BRPF1: variants seen among roughly 807,000 people sequenced by gnomAD.
The protein encoded by BRPF1 is bromodomain and PHD finger containing 1, also known as peregrin.
In BRPF1, 15 loss-of-function variants were observed where a neutral mutation model predicts 115.0. The observed-to-expected ratio is 0.13, with a 90% CI of 0.09 to 0.20. The LOEUF (loss-of-function observed/expected upper bound fraction) is 0.20, where lower values mean the gene tolerates loss of function less well. Ranked by LOEUF, BRPF1 falls within the 10% of genes least tolerant of loss-of-function variation. BRPF1 has a pLI of 1.00. For missense variants in BRPF1, 1,118 were observed against 1,638.3 expected (o/e 0.68, Z 5.48); for synonymous variants, 647 against 619.8 (o/e 1.04, Z -0.65).
rs747580168 is a variant in BRPF1 at position 9,746,405 on chromosome 3, G to A, written c.3430G>A (p.Ala1144Thr). 6 of 1,608,642 alleles carry A rather than the reference G, an allele frequency of 3.7e-6. No individual in the cohort carries two copies. Among genetic ancestry groups the A allele is most frequent in the Non-Finnish European group, 5.1e-6 (6 of 1,176,174 alleles). Residue 1144 changes from alanine to threonine, a missense_variant, in exon 13 of 14, where the codon GCC becomes ACC. Physicochemically the swap from Ala to Thr is moderately conservative, Grantham distance 58. Coordinates refer to ENST00000383829, the MANE Select transcript of BRPF1 (RefSeq NM_001003694.2). ...LKLGEQMTQE[A>T]REHLYLVLFF... ...ACTTGGGGAGCAGATGACCCAGGAAGCCCGAGAGCATCTCTACCTCGTCCT... is the reference window on the plus strand; with the variant it reads ...ACTTGGGGAGCAGATGACCCAGGAAACCCGAGAGCATCTCTACCTCGTCCT...
Position 9,734,073 on chromosome 3 carries a change from G to C in BRPF1, c.-10-58G>C. ...GAGGGCTAGAAAGACTGGGGTCTCT[G>C]GTGCAAATGGCCAGGAACTCATCCC... On this transcript the variant is annotated intron_variant, in intron 1 of 13. Coordinates refer to ENST00000383829, the MANE Select transcript of BRPF1 (RefSeq NM_001003694.2). This position sits in a 1 kb window ranked among gnomAD's most constrained non-coding sequence, Gnocchi z 5.7. 9.2e-6 allele frequency: 14 copies of C among 1,521,126 alleles called. No homozygotes were observed. The highest frequency in any genetic ancestry group is 1.2e-5 in the Non-Finnish European group (14 of 1,136,262). The allele number at this position is 1,521,126 out of a possible 1,614,324, so 94.2% of individuals were successfully genotyped here.
Position 9,747,524 on chromosome 3 carries a change from A to G in BRPF1, c.*175A>G. ...CCCTAAGTGCAGCTGGACTGTACAG[A>G]ACACTCCAAGGGCCAATGGCAGTTC... is the stretch of plus-strand genomic sequence containing the variant. On this transcript the variant is annotated 3_prime_UTR_variant, in exon 14 of 14. Coordinates refer to ENST00000383829, the MANE Select transcript of BRPF1 (RefSeq NM_001003694.2). The surrounding 1 kb of genome is among the most constrained non-coding windows in gnomAD (Gnocchi z 5.6). The G allele has an allele frequency of 1.5e-6, 1 of 681,708 alleles. No homozygotes were observed. Among genetic ancestry groups the G allele is most frequent in the Admixed American group, 2.9e-5 (1 of 34,226 alleles). 42.2% of individuals were successfully genotyped at this position (681,708 alleles called of 1,614,324 possible).
rs757617761 is a variant in BRPF1 at position 9,734,532 on chromosome 3, A to G, written c.392A>G (p.Glu131Gly). Residue 131 changes from glutamate to glycine, a missense_variant, in exon 2 of 14, where the codon GAG (glutamate) becomes GGG (glycine). By Grantham distance (98) the Glu-to-Gly change is moderately conservative. Around this residue, in one of 10 missense-constraint regions of BRPF1, gnomAD observed 280 missense variants for 382.8 expected, o/e 0.73. Transcript: ENST00000383829. This position sits in a 1 kb window ranked among gnomAD's most constrained non-coding sequence, Gnocchi z 5.7. ...EDEEAPEEAPENGSNKENTET... is the reference protein window; with the variant it reads ...EDEEAPEEAPGNGSNKENTET... ...GAGGAAGCCCCCGAGGAGGCCCCTG[A>G]GAATGGCAGCAACAAGGAGAACACT... 1.2e-6 allele frequency: 2 copies of G among 1,614,144 alleles called. No homozygotes were observed. Among genetic ancestry groups the G allele is most frequent in the South Asian group, 2.2e-5 (2 of 91,074 alleles).
Position 9,747,512 on chromosome 3 carries a change from T to A in BRPF1, c.*163T>A. The A allele has an allele frequency of 1.3e-6, 1 of 769,214 alleles. No individual in the cohort carries two copies. The allele number at this position is 769,214 out of a possible 1,614,324, so 47.6% of individuals were successfully genotyped here. ...AGGTCCCTCCTGCCCTAAGTGCAGC[T>A]GGACTGTACAGAACACTCCAAGGGC... On this transcript the variant is annotated 3_prime_UTR_variant, in exon 14 of 14. Transcript: ENST00000383829. This position sits in a 1 kb window ranked among gnomAD's most constrained non-coding sequence, Gnocchi z 5.6.
intron 3 of BRPF1, 22 bp from the exon 4 acceptor site, chr3:9,740,757 C>T (rs1258471619): frequency 1.2e-6 from 2 of 1,611,664 alleles, no homozygotes; most frequent in Non-Finnish European, 8.5e-7. Context: ...ACAAGTTTTA[C>T]TCTTTGTTTC....
Position 9,745,515 on chromosome 3 carries a change from C to CATGCTG in BRPF1, c.3069-57_3069-52dup. On this transcript the variant is annotated intron_variant, in intron 10 of 13. Coordinates refer to ENST00000383829, the MANE Select transcript of BRPF1 (RefSeq NM_001003694.2). This position sits in a 1 kb window ranked among gnomAD's most constrained non-coding sequence, Gnocchi z 5.1. ...GGCTTTAAGAGCTGAGGGCACATAC[C>CATGCTG]ATGCTGTTCCCCATTCTTCCCCTCC... The CATGCTG allele has an allele frequency of 3.8e-6, 6 of 1,575,688 alleles. No homozygotes were observed. Among genetic ancestry groups the CATGCTG allele is most frequent in the Non-Finnish European group, 5.2e-6 (6 of 1,146,548 alleles).
chr3:9,735,385 C>T (rs17050532), intron 2 of BRPF1, among the ~76,000 whole-genome samples: 1 of 152,174 alleles, frequency 6.6e-6, no homozygotes, highest in Non-Finnish European at 1.5e-5. Context: ...GACTCCATAG[C>T]TGTACTGTTT....
In BRPF1 at chr3:9,745,173, C is replaced by G. The variant is rs769764940; in HGVS notation, c.3068+18C>G. On this transcript the variant is annotated intron_variant, in intron 10 of 13. Coordinates refer to ENST00000383829, the MANE Select transcript of BRPF1 (RefSeq NM_001003694.2). This position sits in a 1 kb window ranked among gnomAD's most constrained non-coding sequence, Gnocchi z 5.1. Reference sequence around the variant, plus strand: ...CGGACCAGGTACCAGCCCTCCAGATCGAGGCCAACCTCAGGGGATGCCCTT... The same window carrying G: ...CGGACCAGGTACCAGCCCTCCAGATGGAGGCCAACCTCAGGGGATGCCCTT... 3.7e-6 allele frequency: 6 copies of G among 1,611,310 alleles called. No individual in the cohort carries two copies. Among genetic ancestry groups the G allele is most frequent in the African/African-American group, 1.3e-5 (1 of 74,920 alleles).
At position 9,745,264 on chromosome 3, in the gene BRPF1, T is replaced by C; in HGVS notation, c.3068+109T>C. The C allele has an allele frequency of 1.5e-6, 2 of 1,320,620 alleles. No homozygotes were observed. The highest frequency in any genetic ancestry group is 2.0e-6 in the Non-Finnish European group (2 of 976,050). 81.8% of individuals were successfully genotyped at this position (1,320,620 alleles called of 1,614,324 possible). On this transcript the variant is annotated intron_variant, in intron 10 of 13. Coordinates refer to ENST00000383829, the MANE Select transcript of BRPF1 (RefSeq NM_001003694.2). This position sits in a 1 kb window ranked among gnomAD's most constrained non-coding sequence, Gnocchi z 5.1. The stretch of plus-strand genomic sequence containing the variant: ...GGGGTGGCAGCCATCTCAGTCTAGA[T>C]TAAGATGGCTCAAACTCAAGGTTCT...
At position 9,739,180 on chromosome 3, in the gene BRPF1, C is replaced by A. The variant is rs144340997; in HGVS notation, c.781C>A (p.His261Asn). 1 of 1,613,734 alleles carries A rather than the reference C, an allele frequency of 6.2e-7. No homozygotes were observed. The highest frequency in any genetic ancestry group is 1.3e-5 in the African/African-American group (1 of 74,918). The change falls in exon 3 of 14, where the codon CAT (histidine) becomes AAT (asparagine). Residue 261 changes from histidine to asparagine, a missense_variant. Coordinates refer to ENST00000383829, the MANE Select transcript of BRPF1 (RefSeq NM_001003694.2). ...RLEKESYFES[H>N]NKGDPNALVD... ...GGAGAAGGAGTCGTACTTTGAGAGT[C>A]ATAATAAAGGCGACCCTAATGCGCT...
At position 9,744,429 on chromosome 3, in the gene BRPF1, G is replaced by C; in HGVS notation, c.2841G>C (p.Gln947His). Residue 947 changes from glutamine (Q) to histidine (H), a missense_variant, in exon 9 of 14, where the codon CAG becomes CAC. By Grantham distance (24) the Gln-to-His change is conservative. Coordinates refer to ENST00000383829, the MANE Select transcript of BRPF1 (RefSeq NM_001003694.2). ...TCCCCATCATGAGTTCCCTGCGTCA[G>C]CGCAAGCGGGGTAGGAGCCCCCGGC... ...PQLPIMSSLRQRKRGRSPRPS... is the reference protein window; with the variant it reads ...PQLPIMSSLRHRKRGRSPRPS... 6.2e-7 allele frequency: 1 copy of C among 1,610,632 alleles called. No homozygotes were observed. Among genetic ancestry groups the C allele is most frequent in the Non-Finnish European group, 8.5e-7 (1 of 1,178,610 alleles).
chr3:9,744,534 C>A (rs760352831), intron 9 of BRPF1, 26 bp downstream of exon 9: 3 of 1,477,000 alleles, frequency 2.0e-6, no homozygotes, highest in African/African-American at 2.8e-5. Context: ...ACCCAGCCCC[C>A]CAAGAGAGTG....
Position 9,741,033 on chromosome 3 carries a change from TTAGACTCTTTCCTCCTTTAAGC to T in BRPF1, c.1722+96_1722+117del, listed in dbSNP as rs1311873659. 163 of 1,362,958 alleles carry T rather than the reference TTAGACTCTTTCCTCCTTTAAGC, an allele frequency of 1.2e-4. No homozygotes were observed. In the African/African-American group the frequency reaches 2.0e-3, roughly 16 times the overall value. 84.4% of individuals were successfully genotyped at this position (1,362,958 alleles called of 1,614,324 possible). A position where few individuals can be genotyped will look rare whatever the true frequency, so the allele number is the denominator to read the frequency against. The stretch of plus-strand genomic sequence containing the variant: ...ACTGTAGTTTCCAGTGTCAGAGGGC[TTAGACTCTTTCCTCCTTTAAGC>T]TAGCCCTCAAACCAGGATCAGCATG... On this transcript the variant is annotated intron_variant, in intron 4 of 13. Transcript: ENST00000383829.
Position 9,739,804 on chromosome 3 carries a change from G to T in BRPF1, c.1405G>T (p.Asp469Tyr). The change falls in exon 3 of 14, where the codon GAT becomes TAT. Residue 469 changes from aspartate (D) to tyrosine (Y), a missense_variant. Around this residue, in one of 10 missense-constraint regions of BRPF1, gnomAD observed 87 missense variants for 93.4 expected, o/e 0.93. Coordinates refer to ENST00000383829, the MANE Select transcript of BRPF1 (RefSeq NM_001003694.2). ...LSHSEGEEDEDEEEDEGKGWS... is the reference protein window; with the variant it reads ...LSHSEGEEDEYEEEDEGKGWS... ...CCACAGCGAGGGTGAGGAGGATGAA[G>T]ATGAGGAGGAGGATGAGGGTAAGGG... The T allele has an allele frequency of 1.2e-6, 2 of 1,611,728 alleles. No homozygotes were observed. Among genetic ancestry groups the T allele is most frequent in the Non-Finnish European group, 1.7e-6 (2 of 1,178,882 alleles).
Position 9,744,388 on chromosome 3 carries a change from G to T in BRPF1, c.2800G>T (p.Val934Leu), listed in dbSNP as rs752669811. Reference sequence around the variant, plus strand: ...GACCCCCAGCCACGGAGGCAGTCCTGTGGGGCCCCCCCAGCTCCCCATCAT... The same window carrying T: ...GACCCCCAGCCACGGAGGCAGTCCTTTGGGGCCCCCCCAGCTCCCCATCAT... The part of the protein sequence containing the change: ...QMTPSHGGSP[V>L]GPPQLPIMSS... The change falls in exon 9 of 14, where the codon GTG becomes TTG. Residue 934 changes from valine (V) to leucine (L), a missense_variant. Physicochemically the swap from Val to Leu is conservative, Grantham distance 32. Around this residue, in one of 10 missense-constraint regions of BRPF1, gnomAD observed 92 missense variants for 102.2 expected, o/e 0.90. Coordinates refer to ENST00000383829, the MANE Select transcript of BRPF1 (RefSeq NM_001003694.2). 7.4e-6 allele frequency: 12 copies of T among 1,612,156 alleles called. No homozygotes were observed. Among genetic ancestry groups the T allele is most frequent in the Admixed American group, 1.7e-5 (1 of 59,752 alleles).
intron 3 of BRPF1, 102 bp downstream of exon 3, chr3:9,740,060 C>G (rs1216364148): frequency 2.6e-5 from 37 of 1,436,968 alleles, no homozygotes. Flanking sequence ...GCTATCTTCC[C>G]AGGAGCTGCA....
In BRPF1 at chr3:9,745,121, A is replaced by G. The variant is rs757832435; in HGVS notation, c.3034A>G (p.Ser1012Gly). The G allele has an allele frequency of 6.2e-7, 1 of 1,614,238 alleles. No individual in the cohort carries two copies. Among genetic ancestry groups the G allele is most frequent in the South Asian group, 1.1e-5 (1 of 91,090 alleles). Residue 1012 changes from serine (S) to glycine (G), a missense_variant, in exon 10 of 14, where the codon AGT (serine) becomes GGT (glycine). Transcript: ENST00000383829. This position sits in a 1 kb window ranked among gnomAD's most constrained non-coding sequence, Gnocchi z 5.1. ...RSSSDSESSS[S>G]SSSSAASDRT... is the part of the protein sequence containing the mutation. Reference sequence around the variant, plus strand: ...CAGCTCAGACTCTGAGTCCAGCAGCAGTAGCAGTAGCAGCGCTGCTTCAGA... The same window carrying G: ...CAGCTCAGACTCTGAGTCCAGCAGCGGTAGCAGTAGCAGCGCTGCTTCAGA...
intron 2 of BRPF1, among the ~76,000 whole-genome samples, chr3:9,737,289 C>T (rs114312596): frequency 0.017 from 2,588 of 152,260 alleles, 68 homozygotes; most frequent in African/African-American, 0.059. Flanking sequence ...AGGAGTTAGA[C>T]ACATACACAG....
In BRPF1 at chr3:9,739,449, T is replaced by C. The variant is rs1180411117; in HGVS notation, c.1050T>C (p.His350=). ...AGACAGATGACGGGCGCTGGGCCCA[T>C]GTGGTGTGTGCCTTGTGGATCCCTG... ...FKQTDDGRWA[H]VVCALWIPEV... The change falls in exon 3 of 14, where the codon CAT becomes CAC. Residue 350 remains histidine (H), a synonymous_variant. Coordinates refer to ENST00000383829, the MANE Select transcript of BRPF1 (RefSeq NM_001003694.2). The C allele has an allele frequency of 6.2e-7, 1 of 1,614,114 alleles. No individual in the cohort carries two copies. The highest frequency in any genetic ancestry group is 8.5e-7 in the Non-Finnish European group (1 of 1,180,002).
Sources: allele counts gnomAD v4.1 joint callset (sites outside exome capture counted in the v4.1 genomes callset), GRCh38; gene constraint gnomAD v4.1.1; regional missense constraint gnomAD v4.1.1; non-coding constraint Gnocchi (gnomAD v3.1); transcripts MANE v1.5; gene names NCBI Gene and HGNC (gene_info 2026-07-23, HGNC 2026-07-21).